MAPK6: variants seen among roughly 807,000 people sequenced by gnomAD.
The protein encoded by MAPK6 is mitogen-activated protein kinase 6.
MAPK6 carries 19 observed loss-of-function variants against 59.3 expected under a neutral mutation model. That is an observed-to-expected ratio of 0.32 (90% confidence interval 0.22 to 0.47). The LOEUF (loss-of-function observed/expected upper bound fraction) is 0.47, where lower values mean the gene tolerates loss of function less well. Ranked by LOEUF, MAPK6 falls within the 20% of genes least tolerant of loss-of-function variation. The pLI is 1.00. For missense variants in MAPK6, 724 were observed against 847.9 expected, an observed-to-expected ratio of 0.85 and a Z score of 1.81; for synonymous variants, 316 against 290.3, an observed-to-expected ratio of 1.09 and a Z score of -0.90.
intron 4 of MAPK6, among the ~76,000 whole-genome samples, chr15:52,059,094 C>T (rs978792539): frequency 2.0e-5 from 3 of 152,166 alleles, no homozygotes; most frequent in Non-Finnish European, 4.4e-5. Flanking sequence ...ATACTTGGAA[C>T]TCCTGTAAAT....
At chr15:51,978,157 G>C (rs894773382) in intron 1 of MAPK6, among the ~76,000 whole-genome samples, 1 of 149,486 alleles carries the variant, frequency 6.7e-6, no homozygotes, top group Non-Finnish European at 1.5e-5. Flanking sequence ...TTTTGTAACA[G>C]AGTCCTGCTC....
intron 1 of MAPK6, among the ~76,000 whole-genome samples, chr15:52,034,885 A>G (rs1695934704): frequency 6.6e-6 from 1 of 151,650 alleles, no homozygotes; most frequent in Non-Finnish European, 1.5e-5. Context: ...TTTAGTAGAA[A>G]CGCGGTTTCA....
chr15:52,049,677 C>G (rs1291148676), intron 2 of MAPK6, among the ~76,000 whole-genome samples: 1 of 148,836 alleles, frequency 6.7e-6, no homozygotes, highest in African/African-American at 2.5e-5. Flanking sequence ...TGCAGTGGCA[C>G]AATCTCGGCT....
intron 4 of MAPK6, among the ~76,000 whole-genome samples, chr15:52,059,821 A>G (rs1257379392): frequency 6.6e-6 from 1 of 152,188 alleles, no homozygotes; most frequent in African/African-American, 2.4e-5. Context: ...TTCTGAGACT[A>G]AAGATTTATC....
At chr15:52,016,070 G>GCACAAACACACACACACACACACACA (rs2030249968), upstream of MAPK6, among the ~76,000 whole-genome samples, 1 of 55,392 alleles carries the variant, frequency 1.8e-5, no homozygotes. Flanking sequence ...GCGCGCGCGC[G>GCACAAACACACACACACACACACACA]CACACACACA....
intron 1 of MAPK6, among the ~76,000 whole-genome samples, chr15:52,020,480 G>A (rs1254533102): frequency 6.6e-6 from 1 of 151,928 alleles, no homozygotes; most frequent in East Asian, 1.9e-4. Flanking sequence ...AACGGATACA[G>A]ATGATTTGTC....
At chr15:52,036,755 G>A (rs922093751) in intron 1 of MAPK6, among the ~76,000 whole-genome samples, 1 of 151,954 alleles carries the variant, frequency 6.6e-6, no homozygotes, top group African/African-American at 2.4e-5. Context: ...TTTAAATCTC[G>A]CAAGCTTTCT....
At chr15:52,056,143 C>T (rs561142303) in intron 3 of MAPK6, among the ~76,000 whole-genome samples, 14 of 152,244 alleles carry the variant, frequency 9.2e-5, no homozygotes, top group South Asian at 2.1e-4. Context: ...GTGTTTTTAG[C>T]CTGTGTGTCT....
At chr15:51,973,028 AAG>A (rs1406223987) in intron 1 of MAPK6, among the ~76,000 whole-genome samples, 2 of 151,594 alleles carry the variant, frequency 1.3e-5, no homozygotes, top group African/African-American at 2.4e-5. Context: ...AAAGTGAGAA[AAG>A]AGTACATCCT....
rs1242049306 is a variant in MAPK6 at position 52,066,584 on chromosome 15, C to CTTGT, written c.*1587_*1590dup. Reference sequence around the variant, plus strand: ...CTCTTCACCTCACTTTTCTTTCATCCTTGTTTTGTACAACACCAATTCTAT... The same window carrying CTTGT: ...CTCTTCACCTCACTTTTCTTTCATCCTTGTTTGTTTTGTACAACACCAATTCTAT... On this transcript the variant is annotated 3_prime_UTR_variant, in exon 6 of 6. Transcript: ENST00000261845. 2.9e-5 allele frequency: 4 copies of CTTGT among 135,854 alleles called. No homozygotes were observed. The highest frequency in any genetic ancestry group is 1.0e-4 in the African/African-American group (4 of 38,614). The allele number at this position is 135,854 out of a possible 1,614,324, so 8.4% of individuals were successfully genotyped here. A position where few individuals can be genotyped will look rare whatever the true frequency, so the allele number is the denominator to read the frequency against.
chr15:52,018,350 G>T (rs1245879607), upstream of MAPK6, among the ~76,000 whole-genome samples: 1 of 152,118 alleles, frequency 6.6e-6, no homozygotes, highest in African/African-American at 2.4e-5. Context: ...TTTTGAAGTG[G>T]TCTTTGCCTC....
intron 1 of MAPK6, among the ~76,000 whole-genome samples, chr15:52,042,315 T>C (rs2031448492): frequency 6.6e-6 from 1 of 152,230 alleles, no homozygotes; most frequent in Admixed American, 6.5e-5. Flanking sequence ...GAATTACAGT[T>C]TGTTTTATAA....
At chr15:52,000,276 A>G (rs2057238464) in intron 2 of MAPK6, among the ~76,000 whole-genome samples, 1 of 152,038 alleles carries the variant, frequency 6.6e-6, no homozygotes. Context: ...CTGAAGCACA[A>G]AAGTTTTTCA....
chr15:52,058,725 G>A lies in MAPK6; in HGVS notation c.793G>A (p.Val265Ile). The A allele has an allele frequency of 6.2e-7, 1 of 1,613,538 alleles. No individual in the cohort carries two copies. The highest frequency in any genetic ancestry group is 8.5e-7 in the Non-Finnish European group (1 of 1,179,676). ...TCAGGAGCTTCTCAGCGTAATTCCA[G>A]TTTACATTAGAAATGACATGACTGA... ...DRQELLSVIP[V>I]YIRNDMTEPH... Residue 265 changes from valine (V) to isoleucine (I), a missense_variant, in exon 4 of 6, where the codon GTT becomes ATT. Transcript: ENST00000261845.
chr15:52,046,233 G>A lies in MAPK6; in HGVS notation c.-228G>A, dbSNP rs2031588775. ...GCCCCTTTCTTGAACTATGAGTACTGCAATCTTTTTAATTCTCAATATGAA... is the reference window on the plus strand; with the variant it reads ...GCCCCTTTCTTGAACTATGAGTACTACAATCTTTTTAATTCTCAATATGAA... On this transcript the variant is annotated 5_prime_UTR_variant, in exon 2 of 6. Transcript: ENST00000261845. The A allele has an allele frequency of 6.7e-6, 3 of 444,934 alleles. No homozygotes were observed. Among genetic ancestry groups the A allele is most frequent in the Non-Finnish European group, 1.2e-5 (3 of 252,246 alleles). 27.6% of individuals were successfully genotyped at this position (444,934 alleles called of 1,614,324 possible). A position where few individuals can be genotyped will look rare whatever the true frequency, so the allele number is the denominator to read the frequency against.
chr15:52,002,647 G>T lies in MAPK6; in HGVS notation c.-769-1618G>T, dbSNP rs148491284. Among the ~76,000 whole-genome samples, 193 of 152,356 alleles carry T rather than the reference G, an allele frequency of 1.3e-3. 2 individuals carry two copies. The highest frequency in any genetic ancestry group is 4.5e-3 in the African/African-American group (186 of 41,584). ...TCTCTCCAGAGGAAGTGGATCATCA[G>T]AGTTGTTCTGACAGGGCAAAATAGC... On this transcript the variant is annotated intron_variant, in intron 2 of 7. Transcript: ENST00000691380.
At chr15:52,026,360 T>G (rs2030774378) in intron 1 of MAPK6, among the ~76,000 whole-genome samples, 1 of 152,160 alleles carries the variant, frequency 6.6e-6, no homozygotes, top group Admixed American at 6.6e-5. Flanking sequence ...GGTGTGATCT[T>G]CGCTCACTGC....
chr15:52,005,045 G>C (rs1302986716), intron 3 of MAPK6, among the ~76,000 whole-genome samples: 1 of 152,160 alleles, frequency 6.6e-6, no homozygotes, highest in Non-Finnish European at 1.5e-5. Flanking sequence ...ATTTCTTTGA[G>C]GGGTAAATAA....
chr15:52,055,699 A>G (rs1001859156), intron 3 of MAPK6, among the ~76,000 whole-genome samples: 1 of 152,096 alleles, frequency 6.6e-6, no homozygotes, highest in East Asian at 1.9e-4. Flanking sequence ...AAATTTTAGT[A>G]GAGACAGGAT....
Sources: gnomAD v4.1 joint callset for allele counts (sites outside exome capture counted in the v4.1 genomes callset) on GRCh38, gnomAD v4.1.1 for gene constraint, MANE v1.5 for transcripts, NCBI Gene and HGNC (gene_info 2026-07-23, HGNC 2026-07-21) for gene names.